The following CADPS2 variants were observed in gnomAD, a reference collection of about 807,000 sequenced individuals.
The protein encoded by CADPS2 is calcium dependent secretion activator 2.
A neutral mutation model predicts 172.5 loss-of-function variants in CADPS2; 93 were observed. The observed-to-expected ratio is 0.54, with a 90% CI of 0.46 to 0.64. CADPS2 has a LOEUF of 0.64. Among genes scored for constraint, CADPS2 ranks in the 30% least tolerant of loss-of-function variants. The pLI, the probability that CADPS2 is intolerant of heterozygous loss-of-function variation, is 0.00. For missense variants in CADPS2, 1,420 were observed against 1,565.9 expected (o/e 0.91, Z 1.57); for synonymous variants, 546 against 555.2 (o/e 0.98, Z 0.23).
At chr7:122,728,660 G>A (rs945461529) in intron 2 of CADPS2, among the ~76,000 whole-genome samples, 8 of 151,720 alleles carry the variant, frequency 5.3e-5, no homozygotes, top group East Asian at 3.9e-4. Flanking sequence ...AAGTACAACG[G>A]AAGAAATTAA....
rs1349116833 is a variant in CADPS2 at position 122,711,534 on chromosome 7, G to A, written c.453+25421C>T. Among the ~76,000 whole-genome samples, 4 of 152,202 alleles carry A rather than the reference G, an allele frequency of 2.6e-5. No individual in the cohort carries two copies. The East Asian group carries it at 7.7e-4, about 29-fold the overall frequency. On this transcript the variant is annotated intron_variant, in intron 2 of 29. Transcript: ENST00000449022. ...TGCAACCAACTTTTTCTCCAATCCA[G>A]AATGCCTTCTATTTCTACCCCAAGT...
intron 1 of CADPS2, among the ~76,000 whole-genome samples, chr7:122,870,308 T>C (rs976074062): frequency 4.6e-5 from 7 of 151,966 alleles, no homozygotes; most frequent in Non-Finnish European, 8.8e-5. Flanking sequence ...GGGGTAGCTA[T>C]ACATATCAGG....
chr7:122,809,963 T>G (rs1799671753), intron 1 of CADPS2, among the ~76,000 whole-genome samples: 1 of 152,194 alleles, frequency 6.6e-6, no homozygotes, highest in Non-Finnish European at 1.5e-5. Flanking sequence ...TATACACATA[T>G]GCACACATGT....
intron 1 of CADPS2, among the ~76,000 whole-genome samples, chr7:122,754,804 T>C (rs2093092903): frequency 6.6e-6 from 1 of 152,222 alleles, no homozygotes; most frequent in Non-Finnish European, 1.5e-5. Context: ...ATCTTATGAA[T>C]GTAATAACAC....
chr7:122,672,850 G>A (rs1350982124), intron 2 of CADPS2, among the ~76,000 whole-genome samples: 4 of 152,220 alleles, frequency 2.6e-5, no homozygotes, highest in Non-Finnish European at 5.9e-5. Flanking sequence ...GAATTGGTGG[G>A]TTCTTTGTCT....
At chr7:122,820,805 C>T (rs1239979293) in intron 1 of CADPS2, among the ~76,000 whole-genome samples, 1 of 137,258 alleles carries the variant, frequency 7.3e-6, no homozygotes, top group African/African-American at 2.8e-5. Context: ...GTGATCCGCC[C>T]GCCTCGGCCT....
rs191471029 is a variant in CADPS2, at chr7:122,708,256, A to G, written c.453+28699T>C. On this transcript the variant is annotated intron_variant, in intron 2 of 29. Coordinates refer to ENST00000449022, the MANE Select transcript of CADPS2 (RefSeq NM_017954.11). Reference sequence around the variant, plus strand: ...ATATCTACCACATCATAGGTTCTCAATAAAAGTTGAATTAAATTGATAGCG... The same window carrying G: ...ATATCTACCACATCATAGGTTCTCAGTAAAAGTTGAATTAAATTGATAGCG... Among the ~76,000 whole-genome samples the G allele has an allele frequency of 9.9e-4, 150 of 151,744 alleles. 4 individuals carry two copies. The highest frequency in any genetic ancestry group is 3.6e-3 in the African/African-American group (150 of 41,488).
At chr7:122,443,197 G>A (rs950065568) in intron 15 of CADPS2, among the ~76,000 whole-genome samples, 1 of 152,058 alleles carries the variant, frequency 6.6e-6, no homozygotes, top group South Asian at 2.1e-4. Context: ...GGTCCCACTG[G>A]GTATGTTCTA....
chr7:122,408,337 T>C (rs4731057), intron 19 of CADPS2, among the ~76,000 whole-genome samples: 2 of 152,252 alleles, frequency 1.3e-5, no homozygotes, highest in African/African-American at 4.8e-5. Flanking sequence ...GATTAATGGG[T>C]ATGCATTTTA....
At chr7:122,600,693 A>G (rs901646531) in intron 6 of CADPS2, among the ~76,000 whole-genome samples, 1 of 152,246 alleles carries the variant, frequency 6.6e-6, no homozygotes, top group Admixed American at 6.6e-5. Context: ...TTGTTATGAC[A>G]TGAGTTTGTT....
Position 122,391,844 on chromosome 7 carries a change from C to T in CADPS2, c.3008+1352G>A, listed in dbSNP as rs17144381. 4.5e-3 allele frequency among the ~76,000 whole-genome samples: 690 copies of T among 152,140 alleles called. 9 individuals are homozygous for T. The highest frequency in any genetic ancestry group is 0.015 in the African/African-American group (641 of 41,518). ...AAAAGTAGCAAGTTCTTAAACACAA[C>T]GTTCTATGACAGCAGAACAAATTAA... On this transcript the variant is annotated intron_variant, in intron 22 of 29. Transcript: ENST00000449022.
intron 28 of CADPS2, among the ~76,000 whole-genome samples, chr7:122,330,235 T>C (rs892587554): frequency 5.9e-5 from 9 of 152,184 alleles, no homozygotes; most frequent in African/African-American, 2.2e-4. Context: ...ATATGTACCT[T>C]TTAAATATAA....
At chr7:122,698,907 G>C in intron 2 of CADPS2, 1 of 1,582,972 alleles carries the variant, frequency 6.3e-7, no homozygotes. Flanking sequence ...TGCCAACCTT[G>C]AGTAGATGCA....
rs1485653368 is a variant in CADPS2, at chr7:122,629,192, C to A, written c.867+56G>T. The A allele has an allele frequency of 1.0e-5, 14 of 1,383,916 alleles. No homozygotes were observed. In the Admixed American group the frequency reaches 2.5e-4, roughly 25 times the overall value. 85.7% of individuals were successfully genotyped at this position (1,383,916 alleles called of 1,614,324 possible). ...CTATACAAAACACTTTTTCAGCTCA[C>A]AGAAATCTAGGTAAAGAAAGGAATG... On this transcript the variant is annotated intron_variant, in intron 4 of 29. Coordinates refer to ENST00000449022, the MANE Select transcript of CADPS2 (RefSeq NM_017954.11).
At chr7:122,367,311 T>A (rs2041048809) in intron 25 of CADPS2, among the ~76,000 whole-genome samples, 1 of 152,126 alleles carries the variant, frequency 6.6e-6, no homozygotes, top group Non-Finnish European at 1.5e-5. Flanking sequence ...AGAGAGAGAA[T>A]GTATATATAC....
intron 2 of CADPS2, among the ~76,000 whole-genome samples, chr7:122,712,024 A>AT (rs1052435187): frequency 1.3e-5 from 2 of 152,132 alleles, no homozygotes; most frequent in Admixed American, 6.6e-5. Context: ...ACATTTTTAA[A>AT]TTTAAAAAAA....
intron 3 of CADPS2, among the ~76,000 whole-genome samples, chr7:122,644,242 C>T (rs2078047373): frequency 6.6e-6 from 1 of 152,010 alleles, no homozygotes; most frequent in Non-Finnish European, 1.5e-5. Context: ...ACCTTTCTAG[C>T]CTCTTGGATA....
Position 122,826,515 on chromosome 7 carries a change from G to T in CADPS2, c.339+59484C>A, listed in dbSNP as rs538369898. 3.3e-5 allele frequency among the ~76,000 whole-genome samples: 5 copies of T among 151,988 alleles called. No individual in the cohort carries two copies. The South Asian group carries it at 1.0e-3, about 32-fold the overall frequency. On this transcript the variant is annotated intron_variant, in intron 1 of 29. Transcript: ENST00000449022. ...AGATTTATCTGACAAAGATTTTAAG[G>T]TGGCCATAATAAAAAATAAACAATC...
At chr7:122,595,750 T>C (rs954467278) in intron 6 of CADPS2, among the ~76,000 whole-genome samples, 6 of 152,042 alleles carry the variant, frequency 3.9e-5, no homozygotes, top group African/African-American at 1.4e-4. Flanking sequence ...AATTTCCAAC[T>C]ACACAGAAGT....
Sources: gnomAD v4.1 joint callset for allele counts (sites outside exome capture counted in the v4.1 genomes callset) on GRCh38, gnomAD v4.1.1 for gene constraint, MANE v1.5 for transcripts, NCBI Gene and HGNC (gene_info 2026-07-23, HGNC 2026-07-21) for gene names.